Variants in CFAP206 observed in about 807,000 individuals in gnomAD.
CFAP206 encodes the protein cilia and flagella associated protein 206, also known as cilia- and flagella-associated protein 206.
A neutral mutation model predicts 65.4 loss-of-function variants in CFAP206; 53 were observed. The ratio of observed to expected loss-of-function variants is 0.81; its 90% CI spans 0.65 to 1.02. CFAP206 has a LOEUF of 1.02. Ranked by LOEUF, CFAP206 falls within the 50% of genes least tolerant of loss-of-function variation. The probability of loss-of-function intolerance (pLI) is 0.00; values close to 1 mark genes in which losing one functional copy is unlikely to be tolerated. For synonymous variants in CFAP206, 250 were observed against 254.4 expected (o/e 0.98, Z 0.17); for missense variants, 663 against 753.2 (o/e 0.88, Z 1.40).
intron 1 of CFAP206, among the ~76,000 whole-genome samples, chr6:87,409,291 G>A (rs1329543950): frequency 6.8e-6 from 1 of 148,140 alleles, no homozygotes; most frequent in Non-Finnish European, 1.5e-5. Context: ...CAATGGCACC[G>A]CAACCTCCGC....
chr6:87,409,988 G>GT (rs1264928270), intron 2 of CFAP206, 41 bp downstream of exon 2: 12 of 1,388,356 alleles, frequency 8.6e-6, no homozygotes, highest in Non-Finnish European at 1.1e-5. Context: ...TTATTAAGAG[G>GT]TTTTTTAAGA....
intron 8 of CFAP206, among the ~76,000 whole-genome samples, chr6:87,427,875 T>C (rs975113261): frequency 5.3e-5 from 8 of 152,114 alleles, no homozygotes; most frequent in African/African-American, 1.9e-4. Flanking sequence ...AGCATCTGAT[T>C]TTTGGTACTT....
At chr6:87,425,692 G>A (rs555762030) in intron 7 of CFAP206, 16 of 152,286 alleles carry the variant, frequency 1.1e-4, no homozygotes, top group African/African-American at 3.4e-4. Context: ...CCATCTTTCA[G>A]TTACATGGCT....
At chr6:87,442,672 G>A (rs1768378131) in intron 11 of CFAP206, among the ~76,000 whole-genome samples, 1 of 152,010 alleles carries the variant, frequency 6.6e-6, no homozygotes. Context: ...CTCATTTGCT[G>A]AGAGTTTTTT....
At chr6:87,409,683 C>CT (rs1767695445) in intron 1 of CFAP206, among the ~76,000 whole-genome samples, 152 bp from the exon 2 acceptor site, 1 of 151,936 alleles carries the variant, frequency 6.6e-6, no homozygotes, top group Non-Finnish European at 1.5e-5. Context: ...TAATGAAAAA[C>CT]AGGAGAGGCC....
intron 1 of CFAP206, chr6:87,408,510 AGCGCGCACACAGATCCGG>A (rs1767668939): frequency 1.4e-5 from 1 of 71,276 alleles, no homozygotes; most frequent in Non-Finnish European, 3.0e-5. Flanking sequence ...ACAGATCCGG[AGCGCGCACACAGATCCGG>A]AGCGCGCACA....
intron 10 of CFAP206, among the ~76,000 whole-genome samples, chr6:87,433,157 C>T (rs1582141577): frequency 6.6e-6 from 1 of 152,350 alleles, no homozygotes; most frequent in African/African-American, 2.4e-5. Flanking sequence ...CTTGCTGCCT[C>T]ATTTTATTCA....
intron 11 of CFAP206, among the ~76,000 whole-genome samples, chr6:87,442,533 G>C (rs1467875088): frequency 1.3e-5 from 2 of 152,144 alleles, no homozygotes; most frequent in Admixed American, 1.3e-4. Flanking sequence ...GTATCAAATA[G>C]AGGTAGCGAA....
At chr6:87,409,536 T>TAA (rs376695209) in intron 1 of CFAP206, among the ~76,000 whole-genome samples, 1 of 147,630 alleles carries the variant, frequency 6.8e-6, no homozygotes, top group Non-Finnish European at 1.5e-5. Context: ...TTTTTTTTTT[T>TAA]AATTAAGAAT....
chr6:87,416,524 A>G, intron 5 of CFAP206, 145 bp from the exon 6 acceptor site: 1 of 640,420 alleles, frequency 1.6e-6, no homozygotes, highest in Non-Finnish European at 2.5e-6. Flanking sequence ...TTTATTATGT[A>G]TCCTATAATC....
At chr6:87,410,777 A>G in intron 3 of CFAP206, 109 bp downstream of exon 3, 1 of 832,868 alleles carries the variant, frequency 1.2e-6, no homozygotes. Context: ...AGCCCACAAA[A>G]TAGTAGTATA....
Position 87,464,207 on chromosome 6 carries a change from A to G in CFAP206, c.1826A>G (p.Asp609Gly). The G allele has an allele frequency of 6.2e-7, 1 of 1,614,150 alleles. No individual in the cohort carries two copies. Among genetic ancestry groups the G allele is most frequent in the Non-Finnish European group, 8.5e-7 (1 of 1,180,008 alleles). ...GLRGGKSEITDEVKVNLTRDV... is the reference protein window; with the variant it reads ...GLRGGKSEITGEVKVNLTRDV... ...CGTGGAGGAAAGAGCGAAATCACCG[A>G]TGAGGTCAAGGTGAACTTAACTAGA... The change falls in exon 13 of 13, where the codon GAT (aspartate) becomes GGT (glycine). Residue 609 changes from aspartate (D) to glycine (G), a missense_variant. By Grantham distance (94) the Asp-to-Gly change is moderately conservative (BLOSUM62 -1). Transcript: ENST00000369562.
chr6:87,430,548 T>C (rs1768137894), intron 9 of CFAP206, among the ~76,000 whole-genome samples: 1 of 152,192 alleles, frequency 6.6e-6, no homozygotes, highest in Non-Finnish European at 1.5e-5. Flanking sequence ...TTTATAAGCA[T>C]CATATTAAAC....
intron 6 of CFAP206, among the ~76,000 whole-genome samples, chr6:87,417,812 G>T (rs1767860047): frequency 6.8e-6 from 1 of 146,718 alleles, no homozygotes; most frequent in African/African-American, 2.6e-5. Flanking sequence ...TTGGAGTGCA[G>T]TGGCGCGATC....
chr6:87,444,993 C>T, intron 11 of CFAP206: 1 of 521,930 alleles, frequency 1.9e-6, no homozygotes, highest in South Asian at 1.4e-5. Context: ...TTCTGTAATT[C>T]GTTGAAGACA....
chr6:87,426,439 A>G lies in CFAP206; in HGVS notation c.841-87A>G, dbSNP rs143756189. 133 of 946,480 alleles carry G rather than the reference A, an allele frequency of 1.4e-4. No homozygotes were observed. In the African/African-American group the frequency reaches 2.1e-3, roughly 15 times the overall value. 58.6% of individuals were successfully genotyped at this position (946,480 alleles called of 1,614,324 possible). ...CTGTCATTGAGCCTACTTTCAGAGG[A>G]TGTGGGGAGCAGGTATGGTCTGAAA... On this transcript the variant is annotated intron_variant, in intron 7 of 12. Transcript: ENST00000369562.
intron 11 of CFAP206, among the ~76,000 whole-genome samples, chr6:87,440,804 A>G (rs1478630985): frequency 6.6e-6 from 1 of 152,202 alleles, no homozygotes; most frequent in Non-Finnish European, 1.5e-5. Flanking sequence ...AAAGTTCTGT[A>G]GGGAATTTTG....
chr6:87,464,195 G>A lies in CFAP206; in HGVS notation c.1814G>A (p.Ser605Asn), dbSNP rs759893319. 2.3e-5 allele frequency: 37 copies of A among 1,614,058 alleles called. No homozygotes were observed. In the South Asian group the frequency reaches 4.1e-4, roughly 18 times the overall value. The change falls in exon 13 of 13, where the codon AGC becomes AAC. Residue 605 changes from serine (S) to asparagine (N), a missense_variant. Coordinates refer to ENST00000369562, the MANE Select transcript of CFAP206 (RefSeq NM_001031743.3). Reference sequence around the variant, plus strand: ...TTGGCTGGTCTTCGTGGAGGAAAGAGCGAAATCACCGATGAGGTCAAGGTG... The same window carrying A: ...TTGGCTGGTCTTCGTGGAGGAAAGAACGAAATCACCGATGAGGTCAAGGTG... ...IYLAGLRGGK[S>N]EITDEVKVNL... is the part of the protein sequence containing the mutation.
At chr6:87,460,938 TGTTA>T (rs1163141291) in intron 11 of CFAP206, 80 bp from the exon 12 acceptor site, 12 of 1,205,888 alleles carry the variant, frequency 1.0e-5, no homozygotes, top group Admixed American at 3.2e-5. Flanking sequence ...TTAAGTGTTT[TGTTA>T]GTTTTAGCTA....
Sources: gnomAD v4.1 joint callset for allele counts (sites outside exome capture counted in the v4.1 genomes callset) on GRCh38, gnomAD v4.1.1 for gene constraint, MANE v1.5 for transcripts, NCBI Gene and HGNC (gene_info 2026-07-23, HGNC 2026-07-21) for gene names.